The following ODAD3 variants were observed in gnomAD, a reference collection of about 807,000 sequenced individuals.
ODAD3 encodes outer dynein arm docking complex subunit 3, also known as outer dynein arm-docking complex subunit 3.
Under a neutral mutation model 70.9 loss-of-function variants are expected in ODAD3, and 57 were observed. That is an observed-to-expected ratio of 0.80 (90% CI 0.65 to 1.00). The LOEUF is 1.00. Among genes scored for constraint, ODAD3 ranks in the 50% least tolerant of loss-of-function variants. ODAD3 has a pLI of 0.00. For synonymous variants in ODAD3, 327 were observed against 315.9 expected (o/e 1.04, Z -0.37); for missense variants, 797 against 763.9 (o/e 1.04, Z -0.51).
At chr19:11,427,083 A>G in intron 3 of ODAD3, 43 bp from the exon 4 acceptor site, 1 of 1,500,404 alleles carries the variant, frequency 6.7e-7, no homozygotes, top group Non-Finnish European at 8.9e-7. Context: ...TCAACACCCT[A>G]CCCCGACACA....
intron 3 of ODAD3, 96 bp downstream of exon 3, chr19:11,430,603 G>A: frequency 9.2e-7 from 1 of 1,090,734 alleles, no homozygotes; most frequent in South Asian, 1.3e-5. Flanking sequence ...ATGGCAGCTA[G>A]TGTGCAGGAA....
Position 11,421,707 on chromosome 19 carries a change from C to T in ODAD3, c.1560G>A (p.Gln520=). The change falls in exon 11 of 13, where the codon CAG becomes CAA. Residue 520 remains glutamine (Q), a synonymous_variant. Transcript: ENST00000356392. ...GGTTAGCGATGTGGCACAGCATCTC[C>T]TGCACGTCGTGGCCCTGGAGCTGCG... is the stretch of plus-strand genomic sequence containing the variant. The part of the protein sequence containing the change: ...LQAQLQGHDV[Q]EMLCHIANRE... 6.2e-7 allele frequency: 1 copy of T among 1,613,310 alleles called. No individual in the cohort carries two copies. The highest frequency in any genetic ancestry group is 8.5e-7 in the Non-Finnish European group (1 of 1,179,944).
At chr19:11,431,198 G>C (rs559687665) in intron 1 of ODAD3, 178 bp from the exon 2 acceptor site, 1 of 705,494 alleles carries the variant, frequency 1.4e-6, no homozygotes. Context: ...CACAGCCTCC[G>C]CCTCCCGGGT....
intron 3 of ODAD3, among the ~76,000 whole-genome samples, chr19:11,428,522 C>T (rs114526618): frequency 0.042 from 6,374 of 151,548 alleles, 445 homozygotes; most frequent in African/African-American, 0.15. Context: ...GGATTACAGA[C>T]GTGAGCCATC....
At chr19:11,435,585 C>A, upstream of ODAD3, 1 of 901,592 alleles carries the variant, frequency 1.1e-6, no homozygotes, top group South Asian at 1.4e-5. Flanking sequence ...TCTCCGTTCC[C>A]GGTGCGGAAC....
intron 7 of ODAD3, among the ~76,000 whole-genome samples, chr19:11,424,697 ATG>A (rs1427074870): frequency 4.6e-4 from 12 of 25,838 alleles, no homozygotes; most frequent in Admixed American, 2.8e-3. Context: ...ATGTGTATAT[ATG>A]TATATATGTG....
chr19:11,432,586 A>G (rs1969525369), intron 1 of ODAD3, among the ~76,000 whole-genome samples: 1 of 151,920 alleles, frequency 6.6e-6, no homozygotes, highest in Non-Finnish European at 1.5e-5. Context: ...GATGAATGAT[A>G]TATGTGAACA....
rs1217303249 is a variant in ODAD3 at position 11,422,329 on chromosome 19, G to A, written c.1434+142C>T. ...GGAATGGGGTGGGGCTTCCCCTGTG[G>A]GCGGGGCCTCTGACGTCCGGGACAG... On this transcript the variant is annotated intron_variant, in intron 10 of 12. Transcript: ENST00000356392. This position sits in a 1 kb window ranked among gnomAD's most constrained non-coding sequence, Gnocchi z 4.6. 2 of 1,051,696 alleles carry A rather than the reference G, an allele frequency of 1.9e-6. No homozygotes were observed. Among genetic ancestry groups the A allele is most frequent in the African/African-American group, 1.6e-5 (1 of 61,916 alleles). 65.1% of individuals were successfully genotyped at this position (1,051,696 alleles called of 1,614,324 possible).
chr19:11,435,358 C>G, upstream of ODAD3: 1 of 496,276 alleles, frequency 2.0e-6, no homozygotes, highest in South Asian at 2.1e-5. Context: ...CCTACCTCCC[C>G]CAACCTTATC....
At chr19:11,429,446 T>A (rs1458543471) in intron 3 of ODAD3, among the ~76,000 whole-genome samples, 1 of 152,096 alleles carries the variant, frequency 6.6e-6, no homozygotes, top group Non-Finnish European at 1.5e-5. Flanking sequence ...AGTCTCACTC[T>A]GTCGCCCAGA....
upstream of ODAD3, chr19:11,435,409 T>C (rs573020525): frequency 1.2e-4 from 46 of 385,842 alleles, no homozygotes; most frequent in East Asian, 1.8e-3. Flanking sequence ...GGAACTTTCT[T>C]TCCGGCTTGA....
intron 7 of ODAD3, 149 bp from the exon 8 acceptor site, chr19:11,424,178 G>A: frequency 1.0e-6 from 1 of 1,003,560 alleles, no homozygotes; most frequent in Non-Finnish European, 1.5e-6. Flanking sequence ...CCAGATAAAG[G>A]CACCCGGGCA....
Position 11,423,056 on chromosome 19 carries a change from T to C in ODAD3, c.1117-195A>G, listed in dbSNP as rs887311372. Among the ~76,000 whole-genome samples, 49 of 152,288 alleles carry C rather than the reference T, an allele frequency of 3.2e-4. No homozygotes were observed. In the Middle Eastern group the frequency reaches 0.01, roughly 32 times the overall value. On this transcript the variant is annotated intron_variant, in intron 8 of 12. Transcript: ENST00000356392. ...GGGTGAGCAGCCCTGGATATATCAT[T>C]TTTGCGGGGCCCTTTCTGGCCTATA...
At position 11,425,515 on chromosome 19, in the gene ODAD3, ATATGTATATATGTATATATGTGTGTATG is replaced by A. The variant is rs1969333875; in HGVS notation, c.963+601_963+628del. ...TGTATATATGTATATATGTGTGTATATATGTATATATGTATATATGTGTGTATGTATGTATATATGTATATATGTGTGT... is the reference window on the plus strand; with the variant it reads ...TGTATATATGTATATATGTGTGTATATATGTATATATGTATATATGTGTGT... On this transcript the variant is annotated intron_variant, in intron 7 of 12. Coordinates refer to ENST00000356392, the MANE Select transcript of ODAD3 (RefSeq NM_145045.5). Among the ~76,000 whole-genome samples the A allele has an allele frequency of 5.3e-4, 69 of 129,792 alleles. 6 individuals are homozygous for A. The highest frequency in any genetic ancestry group is 1.9e-3 in the African/African-American group (61 of 31,990). The allele number at this position is 129,792 out of a possible 152,430, so 85.1% of individuals were successfully genotyped here.
rs1484022911 is a variant in ODAD3, at chr19:11,424,958, T to C, written c.964-929A>G. 8.5e-5 allele frequency among the ~76,000 whole-genome samples: 11 copies of C among 129,662 alleles called. No individual in the cohort carries two copies. The East Asian group carries it at 2.0e-3, about 23-fold the overall frequency. The allele number at this position is 129,662 out of a possible 152,430, so 85.1% of individuals were successfully genotyped here. A position where few individuals can be genotyped will look rare whatever the true frequency, so the allele number is the denominator to read the frequency against. On this transcript the variant is annotated intron_variant, in intron 7 of 12. Transcript: ENST00000356392. ...ATATGTATATATGTGTATATGTACA[T>C]ATGTGTATATATGTATATATGTGTA...
chr19:11,421,255 AG>A (rs1969127742), intron 11 of ODAD3, 43 bp from the exon 12 acceptor site: 2 of 1,560,830 alleles, frequency 1.3e-6, no homozygotes, highest in Non-Finnish European at 1.7e-6. Flanking sequence ...GGGCGGGGCC[AG>A]GGGCCACCGA....
Position 11,421,765 on chromosome 19 carries a change from C to T in ODAD3, c.1502G>A (p.Gly501Asp), listed in dbSNP as rs764039877. ...QADNYVPNLL[G>D]LVEEKLLKLQ... ...TTTCAGCAGCTTTTCCTCCACGAGG[C>T]CCAGCAGGTTTGGCACATAGTTATC... is the stretch of plus-strand genomic sequence containing the variant. Residue 501 changes from glycine to aspartate, a missense_variant, in exon 11 of 13, where the codon GGC (glycine) becomes GAC (aspartate). Gly to Asp is a moderately conservative substitution (Grantham distance 94). Transcript: ENST00000356392. 5.0e-6 allele frequency: 8 copies of T among 1,613,438 alleles called. No individual in the cohort carries two copies. The highest frequency in any genetic ancestry group is 6.8e-6 in the Non-Finnish European group (8 of 1,180,002).
Position 11,425,643 on chromosome 19 carries a change from G to GCA in ODAD3, c.963+500_963+501insTG, listed in dbSNP as rs1969348436. 5.5e-5 allele frequency among the ~76,000 whole-genome samples: 7 copies of GCA among 127,402 alleles called. 2 individuals are homozygous for GCA. The highest frequency in any genetic ancestry group is 3.0e-4 in the African/African-American group (7 of 23,652). 83.6% of individuals were successfully genotyped at this position (127,402 alleles called of 152,430 possible). A position where few individuals can be genotyped will look rare whatever the true frequency, so the allele number is the denominator to read the frequency against. On this transcript the variant is annotated intron_variant, in intron 7 of 12. Transcript: ENST00000356392. ...CATATATGCATATATGTATATATAT[G>GCA]TATATACGTATATATATATATATAT...
chr19:11,428,910 C>CA (rs1352555115), intron 3 of ODAD3, among the ~76,000 whole-genome samples: 4 of 142,864 alleles, frequency 2.8e-5, no homozygotes, highest in African/African-American at 1.1e-4. Flanking sequence ...TATTTTGAGA[C>CA]AGAGTTGCCC....
Sources: allele counts gnomAD v4.1 joint callset (sites outside exome capture counted in the v4.1 genomes callset), GRCh38; gene constraint gnomAD v4.1.1; non-coding constraint Gnocchi (gnomAD v3.1); transcripts MANE v1.5; gene names NCBI Gene and HGNC (gene_info 2026-07-23, HGNC 2026-07-21).